The following FIRRM variants were observed in gnomAD, a reference collection of about 807,000 sequenced individuals.
The protein encoded by FIRRM is FIGNL1-interacting regulator of recombination and mitosis.
At chr1:169,853,340 C>CTTATG in the FIRRM span, 3 of 321,146 alleles carry the variant, frequency 9.3e-6, no homozygotes. Context: ...AGAGCTTACT[C>CTTATG]TTATGTTAAA....
the FIRRM span, among the ~76,000 whole-genome samples, chr1:169,838,671 G>T: frequency 6.6e-6 from 1 of 151,946 alleles, no homozygotes; most frequent in Non-Finnish European, 1.5e-5. Flanking sequence ...TGTATTTTTA[G>T]TAGAGATGGG....
the FIRRM span, among the ~76,000 whole-genome samples, chr1:169,810,853 T>C: frequency 9.0e-6 from 1 of 111,196 alleles, no homozygotes; most frequent in Non-Finnish European, 1.9e-5. Context: ...TTTTTTTTTT[T>C]TTTTTTTTTT....
the FIRRM span, among the ~76,000 whole-genome samples, chr1:169,828,826 G>C: frequency 6.6e-6 from 1 of 152,156 alleles, no homozygotes; most frequent in Non-Finnish European, 1.5e-5. Context: ...GATTACAGGC[G>C]TGAGCCACTA....
the FIRRM span, chr1:169,853,881 ACACTAC>A: frequency 1.6e-6 from 2 of 1,223,254 alleles, no homozygotes; most frequent in South Asian, 2.5e-5. Flanking sequence ...GATGCCAGAA[ACACTAC>A]CTCGTACTAA....
At chr1:169,795,121 G>C in the FIRRM span, 1 of 1,535,938 alleles carries the variant, frequency 6.5e-7, no homozygotes, top group African/African-American at 1.4e-5. Context: ...GGAAGGTGCG[G>C]TCCCAGCTAG....
the FIRRM span, chr1:169,849,439 T>C: frequency 9.6e-6 from 12 of 1,244,188 alleles, no homozygotes; most frequent in South Asian, 1.4e-4. Context: ...AATGTATGGC[T>C]ATTTTATGAT....
chr1:169,812,729 C>T, the FIRRM span, among the ~76,000 whole-genome samples: 1 of 151,874 alleles, frequency 6.6e-6, no homozygotes, highest in South Asian at 2.1e-4. Context: ...TGATGGTGCG[C>T]ACCTGTAATG....
At chr1:169,827,922 G>T in the FIRRM span, 2 of 1,462,790 alleles carry the variant, frequency 1.4e-6, no homozygotes, top group Non-Finnish European at 1.9e-6. Context: ...AATTAAGTTT[G>T]TGTGTTTTTT....
chr1:169,801,231 T>G, the FIRRM span, among the ~76,000 whole-genome samples: 1 of 151,784 alleles, frequency 6.6e-6, no homozygotes, highest in Non-Finnish European at 1.5e-5. Flanking sequence ...TCATCTGAGG[T>G]CAGGAGTTCG....
At chr1:169,788,346 A>T in the FIRRM span, among the ~76,000 whole-genome samples, 1 of 152,104 alleles carries the variant, frequency 6.6e-6, no homozygotes, top group South Asian at 2.1e-4. Context: ...AAGCACAAAG[A>T]CATTTATGAT....
the FIRRM span, among the ~76,000 whole-genome samples, chr1:169,808,851 G>C: frequency 1.3e-5 from 2 of 152,192 alleles, no homozygotes; most frequent in Non-Finnish European, 1.5e-5. Context: ...CACCCGCCTT[G>C]GCCTCCCAAA....
the FIRRM span, chr1:169,836,961 C>G: frequency 2.5e-6 from 4 of 1,609,850 alleles, no homozygotes. Flanking sequence ...CCAAAAGAAG[C>G]AGAAAATCTG....
At chr1:169,790,109 C>T in the FIRRM span, among the ~76,000 whole-genome samples, 6,184 of 152,174 alleles carry the variant, frequency 0.041, 171 homozygotes, top group Middle Eastern at 0.082. Flanking sequence ...TCTCAAGTCC[C>T]TTTTGCTGCC....
At chr1:169,793,123 G>T in the FIRRM span, 1 of 1,614,154 alleles carries the variant, frequency 6.2e-7, no homozygotes. Context: ...CAAGATCCAA[G>T]ACTTTTTTCC....
At chr1:169,798,851 T>G in the FIRRM span, 1 of 937,952 alleles carries the variant, frequency 1.1e-6, no homozygotes, top group South Asian at 2.8e-5. Context: ...TTTATTTTTT[T>G]TTTAGGTTTG....
the FIRRM span, among the ~76,000 whole-genome samples, chr1:169,810,055 G>A: frequency 6.6e-6 from 1 of 152,090 alleles, no homozygotes; most frequent in African/African-American, 2.4e-5. Flanking sequence ...ATGGCCCCTT[G>A]TTGCTGCATC....
the FIRRM span, chr1:169,807,846 A>G: frequency 6.2e-7 from 1 of 1,608,744 alleles, no homozygotes; most frequent in Non-Finnish European, 8.5e-7. Flanking sequence ...CAAAGATATA[A>G]TTACTAGCTT....
At chr1:169,851,045 C>CTTTTTTTTTTTTTTTTTTTTTTTTT in the FIRRM span, 1 of 17,312 alleles carries the variant, frequency 5.8e-5, no homozygotes, top group Non-Finnish European at 1.0e-4. Context: ...GCTCAGGGCC[C>CTTTTTTTTTTTTTTTTTTTTTTTTT]TTTTTTTTTT....
chr1:169,853,029 T>G, the FIRRM span: 12 of 1,581,860 alleles, frequency 7.6e-6, no homozygotes, highest in Non-Finnish European at 8.7e-6. Context: ...CTTTGTCAAC[T>G]GAAAATACTT....
Sources: gnomAD v4.1 joint callset for allele counts (sites outside exome capture counted in the v4.1 genomes callset) on GRCh38, gnomAD v4.1.1 for gene constraint, MANE v1.5 for transcripts, NCBI Gene and HGNC (gene_info 2026-07-23, HGNC 2026-07-21) for gene names.